RET: variants seen among roughly 807,000 people sequenced by gnomAD.
RET encodes proto-oncogene tyrosine-protein kinase receptor Ret.
A neutral mutation model predicts 118.3 loss-of-function variants in RET; 19 were observed. That is an observed-to-expected ratio of 0.16 (90% confidence interval 0.11 to 0.24). RET has a LOEUF of 0.24. Ranked by LOEUF, RET falls within the 10% of genes least tolerant of loss-of-function variation. The pLI is 1.00. For missense variants in RET, 1,219 were observed against 1,502.1 expected (o/e 0.81, Z 3.12); for synonymous variants, 597 against 644.1 (o/e 0.93, Z 1.11).
At position 43,123,776 on chromosome 10, in the gene RET, G is replaced by A; in HGVS notation, c.2907G>A (p.Arg969=). Residue 969 remains arginine (R), a synonymous_variant, in exon 17 of 20, where the codon CGG becomes CGA. Transcript: ENST00000355710. ...RLFNLLKTGH[R]MERPDNCSEE... is the part of the protein sequence containing the mutation. The stretch of plus-strand genomic sequence containing the variant: ...TCAACCTTCTGAAGACCGGCCACCG[G>A]ATGGAGAGGCCAGACAACTGCAGCG... The A allele has an allele frequency of 6.2e-7, 1 of 1,614,186 alleles. No individual in the cohort carries two copies. Among genetic ancestry groups the A allele is most frequent in the Non-Finnish European group, 8.5e-7 (1 of 1,180,046 alleles).
intron 18 of RET, 80 bp from the exon 19 acceptor site, chr10:43,126,495 C>G: frequency 7.9e-7 from 1 of 1,273,054 alleles, no homozygotes; most frequent in Non-Finnish European, 1.1e-6. Context: ...AGCCTCTGCC[C>G]TGAGGATGGC....
At chr10:43,109,376 T>C in intron 6 of RET, 146 bp downstream of exon 6, 1 of 854,644 alleles carries the variant, frequency 1.2e-6, no homozygotes, top group Non-Finnish European at 1.9e-6. Context: ...GAGGTACAGC[T>C]GTGTGCACAG....
intron 2 of RET, 31 bp downstream of exon 2, chr10:43,100,753 GCCCCACCCCACCCCTTCCTCAA>G: frequency 6.5e-7 from 1 of 1,540,862 alleles, no homozygotes; most frequent in Non-Finnish European, 8.8e-7. Flanking sequence ...CCCACCCCGT[GCCCCACCCCACCCCTTCCTCAA>G]GCCGCCCTTA....
At chr10:43,116,445 C>T (rs548087402) in intron 11 of RET, 139 bp from the exon 12 acceptor site, 19 of 1,081,458 alleles carry the variant, frequency 1.8e-5, no homozygotes, top group South Asian at 1.7e-4. Context: ...GCAGCGTTGC[C>T]GCTGGCTCAG....
At position 43,096,498 on chromosome 10, in the gene RET, A is replaced by C. The variant is rs1255940849; in HGVS notation, c.74-3961A>C. ...ATGGGCAGTGAAGGGATCTGCACCCAGTGGCTGAGTCTGCAGTGAGAGCCT... is the reference window on the plus strand; with the variant it reads ...ATGGGCAGTGAAGGGATCTGCACCCCGTGGCTGAGTCTGCAGTGAGAGCCT... On this transcript the variant is annotated intron_variant, in intron 1 of 19. Transcript: ENST00000355710. Among the ~76,000 whole-genome samples, 4 of 152,084 alleles carry C rather than the reference A, an allele frequency of 2.6e-5. No homozygotes were observed. In the East Asian group the frequency reaches 7.7e-4, roughly 29 times the overall value.
chr10:43,101,939 C>T (rs983262436), intron 2 of RET, among the ~76,000 whole-genome samples: 1 of 152,186 alleles, frequency 6.6e-6, no homozygotes, highest in Non-Finnish European at 1.5e-5. Flanking sequence ...TGGAACTTGC[C>T]GGAAATGCCC....
At position 43,128,628 on chromosome 10, in the gene RET, A is replaced by G; in HGVS notation, c.*359A>G. 2 of 419,328 alleles carry G rather than the reference A, an allele frequency of 4.8e-6. No homozygotes were observed. The highest frequency in any genetic ancestry group is 4.4e-6 in the Non-Finnish European group (1 of 224,994). The allele number at this position is 419,328 out of a possible 1,614,324, so 26.0% of individuals were successfully genotyped here. On this transcript the variant is annotated 3_prime_UTR_variant, in exon 20 of 20. Transcript: ENST00000355710. ...CTTACTACCTGGTGTATGAAATTGG[A>G]CCTGAACTGTTGGATTTTTCTAGTT... is the stretch of plus-strand genomic sequence containing the variant.
Position 43,128,993 on chromosome 10 carries a change from G to C in RET, c.*724G>C. On this transcript the variant is annotated 3_prime_UTR_variant, in exon 20 of 20. Coordinates refer to ENST00000355710, the MANE Select transcript of RET (RefSeq NM_020975.6). ...ATGTGGATGGTGGTATCAGGGAAGA[G>C]GGCTCACAAGACACATTTGTCCCCC... 1 of 236,808 alleles carries C rather than the reference G, an allele frequency of 4.2e-6. No homozygotes were observed. 14.7% of individuals were successfully genotyped at this position (236,808 alleles called of 1,614,324 possible).
chr10:43,107,451 G>A (rs1446119327), intron 5 of RET, among the ~76,000 whole-genome samples: 1 of 152,088 alleles, frequency 6.6e-6, no homozygotes, highest in African/African-American at 2.4e-5. Context: ...TCTGCTGGAG[G>A]TTCCTGCAGT....
At chr10:43,118,240 CA>C (rs1838118493) in intron 12 of RET, 132 bp from the exon 13 acceptor site, 1 of 748,304 alleles carries the variant, frequency 1.3e-6, no homozygotes, top group African/African-American at 1.7e-5. Context: ...GGAGAAGCCT[CA>C]AGCAGCATCG....
At chr10:43,120,231 C>T (rs1564499252) in intron 15 of RET, 28 bp downstream of exon 15, 2 of 1,610,208 alleles carry the variant, frequency 1.2e-6, no homozygotes, top group Non-Finnish European at 1.7e-6. Flanking sequence ...TGAGGCGGGG[C>T]TCCCAGGGAT....
intron 19 of RET, among the ~76,000 whole-genome samples, 185 bp from the exon 20 acceptor site, chr10:43,127,927 C>T (rs1838370594): frequency 6.6e-6 from 1 of 152,132 alleles, no homozygotes; most frequent in Non-Finnish European, 1.5e-5. Flanking sequence ...ACCAAGAGAG[C>T]ACATGATATT....
chr10:43,099,706 C>G (rs1343351831), intron 1 of RET, among the ~76,000 whole-genome samples: 1 of 152,220 alleles, frequency 6.6e-6, no homozygotes. Flanking sequence ...CCACCTCCCC[C>G]ACACCCCCGC....
intron 1 of RET, among the ~76,000 whole-genome samples, chr10:43,087,358 T>G (rs1184821571): frequency 6.6e-6 from 1 of 152,166 alleles, no homozygotes; most frequent in Non-Finnish European, 1.5e-5. Context: ...AACCAATTCT[T>G]AAGTCTGGTA....
rs1293039001 is a variant in RET, at chr10:43,114,690, T to A, written c.2090T>A (p.Leu697Gln). The A allele has an allele frequency of 1.9e-6, 3 of 1,612,166 alleles. No individual in the cohort carries two copies. The highest frequency in any genetic ancestry group is 2.5e-6 in the Non-Finnish European group (3 of 1,179,936). The stretch of plus-strand genomic sequence containing the variant: ...TCTTCCGGTGCCCGCCGGCCCTCGC[T>A]GGACTCCATGGAGAACCAGGTCTCC... ...YSSSGARRPS[L>Q]DSMENQVSVD... Residue 697 changes from leucine (L) to glutamine (Q), a missense_variant, in exon 11 of 20, where the codon CTG becomes CAG. Physicochemically the swap from Leu to Gln is moderately radical, Grantham distance 113. Coordinates refer to ENST00000355710, the MANE Select transcript of RET (RefSeq NM_020975.6). The surrounding 1 kb of genome is among the most constrained non-coding windows in gnomAD (Gnocchi z 4.6).
chr10:43,081,275 C>G (rs919158097), intron 1 of RET, among the ~76,000 whole-genome samples: 2 of 151,964 alleles, frequency 1.3e-5, no homozygotes, highest in African/African-American at 4.8e-5. Flanking sequence ...TATCTCCCCA[C>G]TCCTCTGCAA....
intron 18 of RET, 87 bp from the exon 19 acceptor site, chr10:43,126,488 C>A: frequency 8.4e-7 from 1 of 1,193,374 alleles, no homozygotes; most frequent in Non-Finnish European, 1.2e-6. Flanking sequence ...CAGCCAGAGC[C>A]TCTGCCCTGA....
intron 12 of RET, among the ~76,000 whole-genome samples, chr10:43,116,967 T>C (rs1483840521): frequency 3.3e-5 from 5 of 152,230 alleles, no homozygotes; most frequent in Non-Finnish European, 7.3e-5. Flanking sequence ...GATCTAAGCT[T>C]TAAACATTTA....
intron 1 of RET, among the ~76,000 whole-genome samples, chr10:43,086,869 A>G (rs1258542294): frequency 6.6e-6 from 1 of 152,196 alleles, no homozygotes; most frequent in African/African-American, 2.4e-5. Flanking sequence ...TGGGCCCCTC[A>G]GAGCAGAAGG....
Sources: gnomAD v4.1 joint callset for allele counts (sites outside exome capture counted in the v4.1 genomes callset) on GRCh38, gnomAD v4.1.1 for gene constraint, Gnocchi (gnomAD v3.1) non-coding constraint, MANE v1.5 for transcripts, NCBI Gene and HGNC (gene_info 2026-07-23, HGNC 2026-07-21) for gene names.